The following CTRC variants were observed in gnomAD, a reference collection of about 807,000 sequenced individuals.
CTRC encodes chymotrypsin C, also known as chymotrypsin-C.
CTRC carries 32 observed loss-of-function variants against 35.7 expected under a neutral mutation model. That is an observed-to-expected ratio of 0.90 (90% CI 0.68 to 1.20). CTRC has a LOEUF of 1.20. Among genes scored for constraint, CTRC ranks in the 50% most tolerant of loss-of-function variants. CTRC has a pLI of 0.00. For synonymous variants in CTRC, 119 were observed against 149.5 expected (o/e 0.80, Z 1.49); for missense variants, 324 against 361.5 (o/e 0.90, Z 0.84).
In CTRC at chr1:15,444,145, T is replaced by A. The variant is rs1258131123; in HGVS notation, c.494-461T>A. 2.6e-5 allele frequency among the ~76,000 whole-genome samples: 4 copies of A among 151,932 alleles called. No homozygotes were observed. The East Asian group carries it at 7.7e-4, about 29-fold the overall frequency. ...GTGGTGTGTACCTGTAGTCCCAAAC[T>A]ACTCAGGAGGCTGAGGTGAGAGGAT... On this transcript the variant is annotated intron_variant, in intron 5 of 7. Coordinates refer to ENST00000375949, the MANE Select transcript of CTRC (RefSeq NM_007272.3).
chr1:15,442,805 C>G (rs932602569), intron 4 of CTRC, among the ~76,000 whole-genome samples: 16 of 152,170 alleles, frequency 1.1e-4, no homozygotes, highest in African/African-American at 2.4e-5. Context: ...GAAGGCCCCC[C>G]ACAGTGTCTC....
At chr1:15,445,133 C>T (rs1221285607) in intron 6 of CTRC, among the ~76,000 whole-genome samples, 2 of 152,162 alleles carry the variant, frequency 1.3e-5, no homozygotes, top group African/African-American at 4.8e-5. Context: ...CATGCATTTG[C>T]TCCACCAGTC....
Position 15,449,217 on chromosome 1 carries a change from AT to A in CTRC, c.*2629del, listed in dbSNP as rs1167074122. ...ATGTAAAACATCCTCCAGAAAAAAA[AT>A]AAATAAATAAAAACTTCCCTGATGA... On this transcript the variant is annotated 3_prime_UTR_variant, in exon 8 of 8. Coordinates refer to ENST00000375949, the MANE Select transcript of CTRC (RefSeq NM_007272.3). 4 of 152,238 alleles carry A rather than the reference AT, an allele frequency of 2.6e-5. No individual in the cohort carries two copies. The highest frequency in any genetic ancestry group is 4.4e-5 in the Non-Finnish European group (3 of 68,052). The allele number at this position is 152,238 out of a possible 1,614,324, so 9.4% of individuals were successfully genotyped here. A position where few individuals can be genotyped will look rare whatever the true frequency, so the allele number is the denominator to read the frequency against.
In CTRC at chr1:15,442,495, GGAAGAC is replaced by G. The variant is rs1208822387; in HGVS notation, c.285_290del (p.Asp95_Glu96del). On this transcript the variant is annotated inframe_deletion, in exon 4 of 8. Transcript: ENST00000375949. ...CCGTGGGAAAGAACAACCTGGAGGT[GGAAGAC>G]GAAGAAGGATCCCTGTTTGTGGGTG... is the stretch of plus-strand genomic sequence containing the variant. 1.9e-6 allele frequency: 3 copies of G among 1,614,174 alleles called. No homozygotes were observed. The South Asian group carries it at 3.3e-5, about 18-fold the overall frequency.
intron 5 of CTRC, 107 bp downstream of exon 5, chr1:15,443,662 G>A (rs1708170418): frequency 8.2e-6 from 11 of 1,343,690 alleles, no homozygotes; most frequent in Middle Eastern, 1.8e-4. Flanking sequence ...TCATGTCTTT[G>A]TAAACTTTGT....
At chr1:15,444,818 T>A in intron 6 of CTRC, 67 bp downstream of exon 6, 1 of 1,601,016 alleles carries the variant, frequency 6.2e-7, no homozygotes, top group South Asian at 1.1e-5. Context: ...CAAAGGGGGG[T>A]GCGATGGACC....
At chr1:15,442,401 G>A (rs1191855936) in intron 3 of CTRC, 46 bp from the exon 4 acceptor site, 1 of 1,576,252 alleles carries the variant, frequency 6.3e-7, no homozygotes, top group South Asian at 1.2e-5. Context: ...CCACTGGCTG[G>A]CAGGACCAGG....
intron 5 of CTRC, 71 bp from the exon 6 acceptor site, chr1:15,444,535 C>A: frequency 6.3e-7 from 1 of 1,597,868 alleles, no homozygotes; most frequent in South Asian, 1.1e-5. Context: ...CATCTGCTCC[C>A]TGAAGGCCTG....
intron 5 of CTRC, among the ~76,000 whole-genome samples, chr1:15,444,167 G>A (rs990686345): frequency 6.6e-6 from 1 of 152,066 alleles, no homozygotes; most frequent in African/African-American, 2.4e-5. Context: ...TGAGGTGAGA[G>A]GATCATTTGA....
chr1:15,446,500 C>T, intron 7 of CTRC, 75 bp from the exon 8 acceptor site: 1 of 1,512,162 alleles, frequency 6.6e-7, no homozygotes, highest in East Asian at 2.3e-5. Flanking sequence ...TGGACCCACC[C>T]TCCGGGCAGA....
intron 3 of CTRC, 25 bp from the exon 4 acceptor site, chr1:15,442,422 G>C: frequency 6.3e-7 from 1 of 1,597,280 alleles, no homozygotes; most frequent in Non-Finnish European, 8.5e-7. Context: ...GGGCCACCCT[G>C]ACCTGGACCC....
intron 3 of CTRC, among the ~76,000 whole-genome samples, chr1:15,441,522 T>C (rs1206447368): frequency 6.6e-6 from 1 of 151,874 alleles, no homozygotes; most frequent in Non-Finnish European, 1.5e-5. Context: ...TAAGTGCAGG[T>C]CAGTATCAGG....
At chr1:15,439,930 CAG>C (rs1050042144) in intron 1 of CTRC, among the ~76,000 whole-genome samples, 1 of 152,142 alleles carries the variant, frequency 6.6e-6, no homozygotes, top group Non-Finnish European at 1.5e-5. Flanking sequence ...TTAGTAGAGA[CAG>C]GGTTTCGCCA....
intron 7 of CTRC, 47 bp from the exon 8 acceptor site, chr1:15,446,528 A>C: frequency 6.2e-7 from 1 of 1,602,142 alleles, no homozygotes; most frequent in Non-Finnish European, 8.6e-7. Flanking sequence ...GCCACCCTAG[A>C]AGGTGGCACA....
In CTRC at chr1:15,440,540, C is replaced by T. The variant is rs497078; in HGVS notation, c.180C>T (p.Gly60=). 0.099 allele frequency: 160,456 copies of T among 1,613,874 alleles called. 8,571 individuals carry two copies. Among genetic ancestry groups the T allele is most frequent in the African/African-American group, 0.16 (11,789 of 74,986 alleles). Residue 60 remains glycine (G), a synonymous_variant, in exon 3 of 8, where the codon GGC becomes GGT. Coordinates refer to ENST00000375949, the MANE Select transcript of CTRC (RefSeq NM_007272.3). ...LKNDTWRHTC[G]GTLIASNFVL... ...ACGACACGTGGAGGCATACGTGTGG[C>T]GGGACTTTGATTGCTAGCAACTTCG...
chr1:15,440,269 C>G, intron 1 of CTRC, 31 bp from the exon 2 acceptor site: 2 of 1,015,906 alleles, frequency 2.0e-6, no homozygotes, highest in Non-Finnish European at 2.7e-6. Flanking sequence ...CAGCCCTATT[C>G]ACTGGTTCTT....
At chr1:15,441,392 G>C (rs934040540) in intron 3 of CTRC, among the ~76,000 whole-genome samples, 3 of 152,108 alleles carry the variant, frequency 2.0e-5, no homozygotes, top group African/African-American at 7.2e-5. Flanking sequence ...CAGGCGGAGG[G>C]AACAGCCATG....
At position 15,442,572 on chromosome 1, in the gene CTRC, GGTGA is replaced by G; in HGVS notation, c.356+5_356+8del. 2 of 1,613,888 alleles carry G rather than the reference GGTGA, an allele frequency of 1.2e-6. No individual in the cohort carries two copies. The highest frequency in any genetic ancestry group is 1.7e-6 in the Non-Finnish European group (2 of 1,179,908). ...AAGAGATGGAATGCCCTCCTGTTGC[GGTGA>G]GTGACAGACTGCCCATCCCACAGCC... On this transcript the variant is annotated splice_donor_variant and splice_donor_region_variant and intron_variant, in intron 4 of 7. Coordinates refer to ENST00000375949, the MANE Select transcript of CTRC (RefSeq NM_007272.3). LOFTEE classifies it high-confidence loss of function.
intron 6 of CTRC, 106 bp from the exon 7 acceptor site, chr1:15,445,491 T>C: frequency 8.2e-7 from 1 of 1,223,000 alleles, no homozygotes; most frequent in Non-Finnish European, 1.2e-6. Context: ...GTCCACTAAC[T>C]AAGGCTGAGA....
Sources: allele counts gnomAD v4.1 joint callset (sites outside exome capture counted in the v4.1 genomes callset), GRCh38; gene constraint gnomAD v4.1.1; transcripts MANE v1.5; gene names NCBI Gene and HGNC (gene_info 2026-07-23, HGNC 2026-07-21).